TNNI3K: variants seen among roughly 807,000 people sequenced by gnomAD.
The protein encoded by TNNI3K is TNNI3 interacting kinase.
A neutral mutation model predicts 114.5 loss-of-function variants in TNNI3K; 140 were observed. The observed-to-expected ratio is 1.22, with a 90% CI of 1.07 to 1.41. TNNI3K has a LOEUF of 1.41. TNNI3K is among the 40% of genes most tolerant of loss of function. The pLI is 0.00. For missense variants in TNNI3K, 1,125 were observed against 1,007.6 expected (o/e 1.12, Z -1.58); for synonymous variants, 347 against 347.5 (o/e 1.00, Z 0.02).
chr1:74,308,637 A>G (rs1474432179), intron 5 of TNNI3K, among the ~76,000 whole-genome samples: 3 of 152,150 alleles, frequency 2.0e-5, no homozygotes, highest in Non-Finnish European at 4.4e-5. Flanking sequence ...ATAGAAGAAG[A>G]AAAGAAACAA....
chr1:74,348,492 G>C (rs886687372), intron 9 of TNNI3K, among the ~76,000 whole-genome samples: 4 of 152,134 alleles, frequency 2.6e-5, no homozygotes, highest in African/African-American at 9.7e-5. Flanking sequence ...CTCTTTCTTG[G>C]TTCCATAAGA....
At chr1:74,265,134 A>G (rs1386797527) in intron 4 of TNNI3K, among the ~76,000 whole-genome samples, 1 of 152,026 alleles carries the variant, frequency 6.6e-6, no homozygotes, top group Non-Finnish European at 1.5e-5. Context: ...TTAAAGTTAC[A>G]TTAAAGAAAC....
At chr1:74,355,032 A>C (rs1661578417) in intron 11 of TNNI3K, among the ~76,000 whole-genome samples, 1 of 152,194 alleles carries the variant, frequency 6.6e-6, no homozygotes, top group Non-Finnish European at 1.5e-5. Context: ...TACACTCCTA[A>C]GGAGTTTAGA....
intron 3 of TNNI3K, among the ~76,000 whole-genome samples, chr1:74,250,434 A>C (rs558793309): frequency 2.6e-5 from 4 of 152,308 alleles, no homozygotes; most frequent in African/African-American, 9.6e-5. Context: ...TGAGGGTACT[A>C]AATAAAAAAT....
At chr1:74,375,854 G>A (rs1016615567) in intron 17 of TNNI3K, 25 of 257,312 alleles carry the variant, frequency 9.7e-5, no homozygotes, top group South Asian at 4.1e-4. Flanking sequence ...TGCAATTCCC[G>A]TCTTGATAAA....
intron 21 of TNNI3K, among the ~76,000 whole-genome samples, chr1:74,476,268 A>G (rs575809445): frequency 1.3e-5 from 2 of 152,232 alleles, no homozygotes; most frequent in Non-Finnish European, 2.9e-5. Flanking sequence ...TCTCAAACCC[A>G]TGTGCCGACT....
chr1:74,427,845 C>A (rs1161110303), intron 17 of TNNI3K, among the ~76,000 whole-genome samples: 2 of 152,018 alleles, frequency 1.3e-5, no homozygotes, highest in African/African-American at 4.8e-5. Context: ...ACCTCAGAAT[C>A]AATAGCATGC....
chr1:74,414,436 T>A (rs1665025433), intron 17 of TNNI3K, among the ~76,000 whole-genome samples: 1 of 152,224 alleles, frequency 6.6e-6, no homozygotes, highest in Non-Finnish European at 1.5e-5. Flanking sequence ...ATTCTGCTCA[T>A]GAACTGGTGT....
chr1:74,240,928 C>T (rs1021681282), intron 2 of TNNI3K: 2 of 151,974 alleles, frequency 1.3e-5, no homozygotes, highest in African/African-American at 4.8e-5. Context: ...GCTATCCCTC[C>T]CCCTCCCCAC....
Position 74,463,608 on chromosome 1 carries a change from A to G in TNNI3K, c.2121+58A>G. The G allele has an allele frequency of 2.5e-6, 4 of 1,579,182 alleles. No homozygotes were observed. In the South Asian group the frequency reaches 4.4e-5, roughly 18 times the overall value. On this transcript the variant is annotated intron_variant, in intron 21 of 24. Transcript: ENST00000326637. ...GTTATGGTCAAAATCTGTCACAAATAGTATAACTCCAAAGTCTACTTTCAG... is the reference window on the plus strand; with the variant it reads ...GTTATGGTCAAAATCTGTCACAAATGGTATAACTCCAAAGTCTACTTTCAG...
intron 17 of TNNI3K, chr1:74,378,594 T>TTATATATATATA (rs58113455): frequency 5.5e-4 from 43 of 77,896 alleles, no homozygotes; most frequent in East Asian, 1.5e-3. Context: ...CAGTTTAATT[T>TTATATATATATA]TATATATATA....
At chr1:74,460,130 C>G (rs1218201373) in intron 20 of TNNI3K, among the ~76,000 whole-genome samples, 1 of 151,476 alleles carries the variant, frequency 6.6e-6, no homozygotes, top group Non-Finnish European at 1.5e-5. Flanking sequence ...GGCTGGAGTG[C>G]AGTGGCACGA....
chr1:74,265,314 G>A (rs1223787862), intron 4 of TNNI3K, among the ~76,000 whole-genome samples: 2 of 151,940 alleles, frequency 1.3e-5, no homozygotes, highest in African/African-American at 4.8e-5. Flanking sequence ...TAAAATCTCC[G>A]CCAGCCCATT....
chr1:74,409,056 A>G (rs1664757362), intron 17 of TNNI3K, among the ~76,000 whole-genome samples: 1 of 152,128 alleles, frequency 6.6e-6, no homozygotes, highest in Non-Finnish European at 1.5e-5. Context: ...AAATAAAATT[A>G]CATTGTCATG....
At chr1:74,287,575 T>C (rs1296357232) in intron 5 of TNNI3K, among the ~76,000 whole-genome samples, 1 of 152,060 alleles carries the variant, frequency 6.6e-6, no homozygotes, top group African/African-American at 2.4e-5. Context: ...CTGAGACAAA[T>C]CAACTCAAAA....
rs554258757 is a variant in TNNI3K at position 74,436,013 on chromosome 1, G to A, written c.1773-67G>A. 34 of 1,552,048 alleles carry A rather than the reference G, an allele frequency of 2.2e-5. No homozygotes were observed. The Middle Eastern group carries it at 7.2e-4, about 33-fold the overall frequency. ...ATGTCTATGGTCCTCTTCTTTGAGG[G>A]GCCAATTAGATTAGGACATAGCAAA... On this transcript the variant is annotated intron_variant, in intron 17 of 24. Transcript: ENST00000326637.
intron 5 of TNNI3K, among the ~76,000 whole-genome samples, chr1:74,284,071 ATTC>A (rs536527328): frequency 3.9e-5 from 6 of 152,098 alleles, no homozygotes; most frequent in South Asian, 2.1e-4. Context: ...AAGACGGGAA[ATTC>A]TTCTTCTTCT....
chr1:74,473,738 C>T (rs991000376), intron 21 of TNNI3K, among the ~76,000 whole-genome samples: 3 of 151,994 alleles, frequency 2.0e-5, no homozygotes, highest in Non-Finnish European at 2.9e-5. Flanking sequence ...GCTGCTTGTT[C>T]GCTGTGTATT....
chr1:74,306,506 G>A (rs1570444835), intron 5 of TNNI3K, among the ~76,000 whole-genome samples: 3 of 152,168 alleles, frequency 2.0e-5, no homozygotes, highest in South Asian at 2.1e-4. Flanking sequence ...CAGTCTATAA[G>A]TGTTTCCTTT....
Sources: allele counts gnomAD v4.1 joint callset (sites outside exome capture counted in the v4.1 genomes callset), GRCh38; gene constraint gnomAD v4.1.1; transcripts MANE v1.5; gene names NCBI Gene and HGNC (gene_info 2026-07-23, HGNC 2026-07-21).